Variants in SLC6A15 observed in about 807,000 individuals in gnomAD.
The protein encoded by SLC6A15 is sodium-dependent neutral amino acid transporter B(0)AT2.
In SLC6A15, 33 loss-of-function variants were observed where a neutral mutation model predicts 68.5. That is an observed-to-expected ratio of 0.48 (90% CI 0.37 to 0.64). SLC6A15 has a LOEUF of 0.64. SLC6A15 is among the 30% of genes least tolerant of loss of function. The pLI, the probability that SLC6A15 is intolerant of heterozygous loss-of-function variation, is 0.00. For missense variants in SLC6A15, 747 were observed against 874.3 expected (o/e 0.85, Z 1.84); for synonymous variants, 347 against 301.0 (o/e 1.15, Z -1.58).
chr12:84,874,215 A>G (rs1392690354), intron 6 of SLC6A15, among the ~76,000 whole-genome samples: 1 of 152,186 alleles, frequency 6.6e-6, no homozygotes, highest in Non-Finnish European at 1.5e-5. Flanking sequence ...TGATTCTGCC[A>G]TTTAGTAATT....
At chr12:84,890,607 C>T (rs1245045008) in intron 2 of SLC6A15, among the ~76,000 whole-genome samples, 2 of 152,152 alleles carry the variant, frequency 1.3e-5, no homozygotes, top group Non-Finnish European at 2.9e-5. Context: ...ACCTCTAAGG[C>T]AGATTTGCCA....
chr12:84,891,306 T>C (rs1872379947), intron 2 of SLC6A15, among the ~76,000 whole-genome samples: 1 of 152,220 alleles, frequency 6.6e-6, no homozygotes, highest in Admixed American at 6.5e-5. Flanking sequence ...TCTAGCATTG[T>C]ATTATCTGTT....
intron 2 of SLC6A15, among the ~76,000 whole-genome samples, chr12:84,887,683 A>G (rs11833789): frequency 0.041 from 6,177 of 152,204 alleles, 403 homozygotes; most frequent in African/African-American, 0.14. Flanking sequence ...TTATGAATGG[A>G]TTTTTTATAC....
intron 1 of SLC6A15, among the ~76,000 whole-genome samples, chr12:84,900,641 G>A (rs545789004): frequency 4.3e-4 from 65 of 150,864 alleles, no homozygotes; most frequent in Middle Eastern, 3.6e-3. Context: ...GTTCAGTGAG[G>A]TCATTAGTTT....
chr12:84,871,086 T>A (rs1174068268), intron 8 of SLC6A15, among the ~76,000 whole-genome samples: 2 of 151,680 alleles, frequency 1.3e-5, no homozygotes, highest in African/African-American at 2.4e-5. Flanking sequence ...ATAAAGATTT[T>A]AAAAATTTGG....
intron 5 of SLC6A15, among the ~76,000 whole-genome samples, chr12:84,880,509 G>A (rs1007235274): frequency 1.3e-5 from 2 of 152,164 alleles, no homozygotes; most frequent in Non-Finnish European, 2.9e-5. Context: ...GAAACTCCAT[G>A]AGGACAGGCA....
intron 9 of SLC6A15, 46 bp from the exon 10 acceptor site, chr12:84,867,239 A>G (rs1432938993): frequency 6.8e-7 from 1 of 1,462,948 alleles, no homozygotes; most frequent in Non-Finnish European, 9.2e-7. Flanking sequence ...ATTCAGAGAC[A>G]AGGCCTTTAA....
intron 2 of SLC6A15, among the ~76,000 whole-genome samples, chr12:84,890,330 G>T (rs1258643872): frequency 6.6e-6 from 1 of 152,060 alleles, no homozygotes; most frequent in Non-Finnish European, 1.5e-5. Flanking sequence ...TGTACTAAAT[G>T]GAAGTCAACC....
chr12:84,904,904 C>T (rs1873066134), intron 1 of SLC6A15, among the ~76,000 whole-genome samples: 1 of 152,044 alleles, frequency 6.6e-6, no homozygotes, highest in Non-Finnish European at 1.5e-5. Context: ...CATTTAATAG[C>T]TATATAACTA....
At chr12:84,886,848 T>A (rs1474448144) in intron 2 of SLC6A15, among the ~76,000 whole-genome samples, 1 of 152,226 alleles carries the variant, frequency 6.6e-6, no homozygotes, top group African/African-American at 2.4e-5. Context: ...GACTAGTGAT[T>A]TCAAAAGGTA....
At chr12:84,898,961 T>A (rs533805499) in intron 1 of SLC6A15, among the ~76,000 whole-genome samples, 22 of 152,362 alleles carry the variant, frequency 1.4e-4, no homozygotes, top group African/African-American at 4.6e-4. Flanking sequence ...TGTTCTTGAA[T>A]TCGGTCCTGC....
At position 84,894,976 on chromosome 12, in the gene SLC6A15, C is replaced by A. The variant is rs144996669; in HGVS notation, c.-188-2668G>T. ...GGGAGTTGAAGTGGGTATTTGCATG[C>A]ATTAAAAGCTCCTTTTCTCATATGA... On this transcript the variant is annotated intron_variant, in intron 1 of 11. Coordinates refer to ENST00000266682, the MANE Select transcript of SLC6A15 (RefSeq NM_182767.6). Among the ~76,000 whole-genome samples the A allele has an allele frequency of 6.6e-3, 1,001 of 152,052 alleles. 41 individuals are homozygous for A. The highest frequency in any genetic ancestry group is 0.055 in the Admixed American group (846 of 15,266).
chr12:84,901,144 T>C (rs1176980930), intron 1 of SLC6A15, among the ~76,000 whole-genome samples: 4 of 151,386 alleles, frequency 2.6e-5, no homozygotes, highest in Non-Finnish European at 4.4e-5. Flanking sequence ...TTTGAAATGA[T>C]TTATCTTTTA....
chr12:84,883,200 T>G, intron 5 of SLC6A15: 1 of 983,972 alleles, frequency 1.0e-6, no homozygotes, highest in Non-Finnish European at 1.2e-6. Context: ...GAATAGCAAT[T>G]ACTTTCCTAG....
Position 84,908,601 on chromosome 12 carries a change from CATATATATATAT to C in SLC6A15, c.-189+3910_-189+3921del, listed in dbSNP as rs3084056. 2.8e-5 allele frequency among the ~76,000 whole-genome samples: 4 copies of C among 140,510 alleles called. No individual in the cohort carries two copies. In the South Asian group the frequency reaches 6.7e-4, roughly 24 times the overall value. 92.2% of individuals were successfully genotyped at this position (140,510 alleles called of 152,430 possible). A position where few individuals can be genotyped will look rare whatever the true frequency, so the allele number is the denominator to read the frequency against. ...TATTAAAGGGCAAAGAGTAAAGAAA[CATATATATATAT>C]ATATATATATATATCTTCCTACCCT... On this transcript the variant is annotated intron_variant, in intron 1 of 11. Coordinates refer to ENST00000266682, the MANE Select transcript of SLC6A15 (RefSeq NM_182767.6).
intron 2 of SLC6A15, among the ~76,000 whole-genome samples, chr12:84,890,793 C>A (rs1438549859): frequency 6.6e-6 from 1 of 151,986 alleles, no homozygotes; most frequent in African/African-American, 2.4e-5. Flanking sequence ...TAGATTACAA[C>A]CACATTAAAA....
intron 2 of SLC6A15, among the ~76,000 whole-genome samples, chr12:84,888,993 T>C (rs944317181): frequency 6.6e-6 from 1 of 152,116 alleles, no homozygotes; most frequent in Non-Finnish European, 1.5e-5. Context: ...AGAAAGGTCA[T>C]CTTCTCCCTT....
Position 84,892,138 on chromosome 12 carries a change from A to AT in SLC6A15, c.-19dup, listed in dbSNP as rs758001424. 557 of 1,340,716 alleles carry AT rather than the reference A, an allele frequency of 4.2e-4. 1 individual carries two copies. The African/African-American group carries it at 0.012, about 29-fold the overall frequency. 83.1% of individuals were successfully genotyped at this position (1,340,716 alleles called of 1,614,324 possible). A position where few individuals can be genotyped will look rare whatever the true frequency, so the allele number is the denominator to read the frequency against. On this transcript the variant is annotated 5_prime_UTR_variant, in exon 2 of 12. Coordinates refer to ENST00000266682, the MANE Select transcript of SLC6A15 (RefSeq NM_182767.6). ...TTGGGCATTGGAGAGTATGCGAAGT[A>AT]TTTAAAAAAAAAAAAAAAAACTCCC...
chr12:84,883,530 C>A, intron 5 of SLC6A15: 1 of 1,290,708 alleles, frequency 7.7e-7, no homozygotes, highest in Non-Finnish European at 9.8e-7. Flanking sequence ...CATAATTTAA[C>A]TAATTGGTAA....
Sources: allele counts gnomAD v4.1 joint callset (sites outside exome capture counted in the v4.1 genomes callset), GRCh38; gene constraint gnomAD v4.1.1; transcripts MANE v1.5; gene names NCBI Gene and HGNC (gene_info 2026-07-23, HGNC 2026-07-21).